Variants in MNAT1 observed in about 807,000 individuals in gnomAD.
MNAT1 encodes the protein CDK-activating kinase assembly factor MAT1.
A neutral mutation model predicts 42.0 loss-of-function variants in MNAT1; 43 were observed. The ratio of observed to expected loss-of-function variants is 1.02; its 90% CI spans 0.80 to 1.32. The LOEUF (loss-of-function observed/expected upper bound fraction) is 1.32, where lower values mean the gene tolerates loss of function less well. Ranked by LOEUF, MNAT1 falls within the 40% of genes most tolerant of loss-of-function variation. The pLI, the probability that MNAT1 is intolerant of heterozygous loss-of-function variation, is 0.00. For synonymous variants in MNAT1, 118 were observed against 120.0 expected (o/e 0.98, Z 0.11); for missense variants, 306 against 350.4 (o/e 0.87, Z 1.01).
intron 1 of MNAT1, among the ~76,000 whole-genome samples, chr14:60,738,763 G>C (rs574005859): frequency 2.0e-5 from 3 of 151,832 alleles, no homozygotes; most frequent in African/African-American, 7.3e-5. Flanking sequence ...TTGAACTCCC[G>C]ACCTCAGGTG....
intron 7 of MNAT1, among the ~76,000 whole-genome samples, chr14:60,901,888 A>G (rs909980770): frequency 6.6e-6 from 1 of 152,202 alleles, no homozygotes; most frequent in African/African-American, 2.4e-5. Flanking sequence ...TGTTGAAATG[A>G]CAACAAAAGA....
intron 7 of MNAT1, among the ~76,000 whole-genome samples, chr14:60,905,400 C>G (rs2035173988): frequency 6.6e-6 from 1 of 152,070 alleles, no homozygotes; most frequent in Non-Finnish European, 1.5e-5. Context: ...TTAGATATAG[C>G]AGATAAACCA....
chr14:60,818,020 C>G (rs2032767131), intron 5 of MNAT1, among the ~76,000 whole-genome samples: 1 of 151,838 alleles, frequency 6.6e-6, no homozygotes, highest in South Asian at 2.1e-4. Context: ...GTCTGGATAT[C>G]ATTTAGTTTA....
chr14:60,751,410 G>A (rs991527906), intron 1 of MNAT1, among the ~76,000 whole-genome samples: 1 of 151,806 alleles, frequency 6.6e-6, no homozygotes, highest in Non-Finnish European at 1.5e-5. Flanking sequence ...ACGATAAAAA[G>A]CATCTTTGAA....
intron 1 of MNAT1, among the ~76,000 whole-genome samples, chr14:60,769,791 A>T (rs1312088465): frequency 6.6e-6 from 1 of 152,096 alleles, no homozygotes; most frequent in Admixed American, 6.5e-5. Flanking sequence ...AGTAGCTAGG[A>T]CTGCAGGCAC....
intron 6 of MNAT1, among the ~76,000 whole-genome samples, chr14:60,839,239 C>T (rs2033479295): frequency 6.6e-6 from 1 of 152,148 alleles, no homozygotes; most frequent in Non-Finnish European, 1.5e-5. Context: ...CACCCATGGA[C>T]CAATTAGCAT....
At chr14:60,922,183 C>T (rs1386128846) in intron 7 of MNAT1, among the ~76,000 whole-genome samples, 3 of 152,030 alleles carry the variant, frequency 2.0e-5, no homozygotes, top group Admixed American at 6.5e-5. Flanking sequence ...TTGTCAGAAG[C>T]AGGTTTTGGT....
At chr14:60,944,244 C>T (rs983244790) in intron 7 of MNAT1, among the ~76,000 whole-genome samples, 8 of 152,144 alleles carry the variant, frequency 5.3e-5, no homozygotes, top group South Asian at 4.1e-4. Flanking sequence ...GGTGCCCTTC[C>T]TTATCAGAGA....
chr14:60,738,380 C>T (rs903369426), intron 1 of MNAT1, among the ~76,000 whole-genome samples: 21 of 151,200 alleles, frequency 1.4e-4, no homozygotes, highest in African/African-American at 4.9e-4. Context: ...CTCAGACTCC[C>T]GAGTAGCTGG....
chr14:60,786,899 T>C (rs983490274), intron 1 of MNAT1, among the ~76,000 whole-genome samples: 2 of 152,230 alleles, frequency 1.3e-5, no homozygotes, highest in Admixed American at 6.5e-5. Context: ...CTTAGTTACA[T>C]GTATTTTTAA....
At chr14:60,845,646 A>T (rs1280158796) in intron 6 of MNAT1, among the ~76,000 whole-genome samples, 1 of 152,102 alleles carries the variant, frequency 6.6e-6, no homozygotes, top group Non-Finnish European at 1.5e-5. Flanking sequence ...ATAGTTTATC[A>T]CCTGCAGAAG....
intron 7 of MNAT1, among the ~76,000 whole-genome samples, chr14:60,916,371 T>C (rs2139540612): frequency 6.6e-6 from 1 of 152,334 alleles, no homozygotes; most frequent in South Asian, 2.1e-4. Context: ...ATGTAAGCAT[T>C]GGGCCAGGTG....
At chr14:60,852,219 T>C (rs558394331) in intron 6 of MNAT1, among the ~76,000 whole-genome samples, 1 of 152,172 alleles carries the variant, frequency 6.6e-6, no homozygotes, top group Non-Finnish European at 1.5e-5. Flanking sequence ...TTTTAATGAT[T>C]GCCATTCTCA....
chr14:60,891,896 T>G (rs368817932), intron 7 of MNAT1, among the ~76,000 whole-genome samples: 123 of 152,328 alleles, frequency 8.1e-4, no homozygotes, highest in Non-Finnish European at 1.3e-3. Flanking sequence ...TTGCGATTTT[T>G]TTTGAAACAT....
chr14:60,942,503 T>G (rs1319348015), intron 7 of MNAT1, among the ~76,000 whole-genome samples: 1 of 151,310 alleles, frequency 6.6e-6, no homozygotes, highest in Non-Finnish European at 1.5e-5. Flanking sequence ...GTGATATTCA[T>G]ATAGTAATCT....
chr14:60,827,243 A>C (rs565549815), intron 6 of MNAT1, among the ~76,000 whole-genome samples: 2 of 152,270 alleles, frequency 1.3e-5, no homozygotes, highest in South Asian at 2.1e-4. Flanking sequence ...GTATGGAGAA[A>C]CATACCATGC....
chr14:60,836,942 G>C (rs981698001), intron 6 of MNAT1, among the ~76,000 whole-genome samples: 3 of 152,232 alleles, frequency 2.0e-5, no homozygotes, highest in African/African-American at 7.2e-5. Flanking sequence ...CCTGCCAAGA[G>C]AGGAGGAATC....
chr14:60,890,676 T>C lies in MNAT1; in HGVS notation c.809+10841T>C, dbSNP rs148809221. ...TCCAAGAGTCCACAAGCCGAAGAAC[T>C]TGGAGTCCAATGTTTGAGGACAGAA... On this transcript the variant is annotated intron_variant, in intron 7 of 7. Transcript: ENST00000261245. Among the ~76,000 whole-genome samples the C allele has an allele frequency of 3.4e-3, 519 of 152,324 alleles. 3 individuals are homozygous for C. Among genetic ancestry groups the C allele is most frequent in the African/African-American group, 0.012 (504 of 41,568 alleles).
chr14:60,818,999 A>G (rs948182930), intron 6 of MNAT1, 152 bp downstream of exon 6: 1 of 758,430 alleles, frequency 1.3e-6, no homozygotes, highest in Non-Finnish European at 2.0e-6. Flanking sequence ...GGATGGGTGC[A>G]GTATGAGGAA....
Sources: gnomAD v4.1 joint callset for allele counts (sites outside exome capture counted in the v4.1 genomes callset) on GRCh38, gnomAD v4.1.1 for gene constraint, MANE v1.5 for transcripts, NCBI Gene and HGNC (gene_info 2026-07-23, HGNC 2026-07-21) for gene names.